Variants in SLC60A1 observed in about 807,000 individuals in gnomAD.
SLC60A1 encodes the protein major facilitator superfamily domain containing 4.
At chr1:205,577,349 G>A in the SLC60A1 span, among the ~76,000 whole-genome samples, 1 of 152,152 alleles carries the variant, frequency 6.6e-6, no homozygotes, top group African/African-American at 2.4e-5. This position sits in a 1 kb window ranked among gnomAD's most constrained non-coding sequence, Gnocchi z 5.2. Context: ...CAAGCACTGC[G>A]CCGGTCACTA....
the SLC60A1 span, chr1:205,580,765 C>T: frequency 6.2e-7 from 1 of 1,614,192 alleles, no homozygotes; most frequent in African/African-American, 1.3e-5. This position sits in a 1 kb window ranked among gnomAD's most constrained non-coding sequence, Gnocchi z 5.0. Context: ...CGGCCAACAC[C>T]ACCTCCCGAG....
the SLC60A1 span, among the ~76,000 whole-genome samples, chr1:205,570,169 G>T: frequency 2.0e-5 from 3 of 152,084 alleles, no homozygotes; most frequent in Non-Finnish European, 2.9e-5. Context: ...TTATTCTCTC[G>T]GCTTAAATTG....
chr1:205,572,625 C>T, the SLC60A1 span, among the ~76,000 whole-genome samples: 1 of 152,166 alleles, frequency 6.6e-6, no homozygotes, highest in Non-Finnish European at 1.5e-5. Flanking sequence ...GTCCCTGGAA[C>T]ACAGGACAAA....
At chr1:205,587,619 A>G in the SLC60A1 span, among the ~76,000 whole-genome samples, 1 of 152,144 alleles carries the variant, frequency 6.6e-6, no homozygotes, top group East Asian at 1.9e-4. Context: ...AGTAGAGGAT[A>G]AAGGGAGGAC....
the SLC60A1 span, among the ~76,000 whole-genome samples, chr1:205,590,448 C>T: frequency 2.6e-5 from 4 of 152,226 alleles, no homozygotes; most frequent in Admixed American, 1.3e-4. Flanking sequence ...TTCTCTCCTT[C>T]GGCCACTGTT....
the SLC60A1 span, among the ~76,000 whole-genome samples, chr1:205,596,406 C>G: frequency 0.018 from 2,671 of 151,962 alleles, 95 homozygotes; most frequent in African/African-American, 0.062. Context: ...TGGGAACCAG[C>G]TGGCCAACAT....
At chr1:205,584,264 C>G in the SLC60A1 span, 14 of 986,182 alleles carry the variant, frequency 1.4e-5, no homozygotes, top group African/African-American at 2.2e-4. Flanking sequence ...TCTCGTCGCC[C>G]AGGCTGGAGT....
At chr1:205,569,325 G>T in the SLC60A1 span, 2 of 1,430,464 alleles carry the variant, frequency 1.4e-6, no homozygotes, top group Admixed American at 2.4e-5. Flanking sequence ...GTGCGCCCCC[G>T]CCCCGCGGCC....
At chr1:205,570,425 G>GCAGGC in the SLC60A1 span, among the ~76,000 whole-genome samples, 1 of 151,302 alleles carries the variant, frequency 6.6e-6, no homozygotes, top group Non-Finnish European at 1.5e-5. Context: ...CTCTGGAGGG[G>GCAGGC]CCGTTCTGGG....
the SLC60A1 span, chr1:205,579,811 C>T: frequency 2.5e-5 from 41 of 1,614,058 alleles, 1 homozygote; most frequent in African/African-American, 1.7e-4. Flanking sequence ...TGGTGTTTGC[C>T]GTCATCCCCT....
At chr1:205,580,364 C>G in the SLC60A1 span, among the ~76,000 whole-genome samples, 1 of 152,154 alleles carries the variant, frequency 6.6e-6, no homozygotes, top group Admixed American at 6.5e-5. The surrounding 1 kb of genome is among the most constrained non-coding windows in gnomAD (Gnocchi z 5.0). Context: ...ACATGGTGAT[C>G]AGTCCCAGCT....
chr1:205,599,476 G>A, the SLC60A1 span, among the ~76,000 whole-genome samples: 1 of 152,200 alleles, frequency 6.6e-6, no homozygotes, highest in Non-Finnish European at 1.5e-5. Context: ...TGGGTCGGCT[G>A]ACTCATGGTT....
At chr1:205,583,081 A>G in the SLC60A1 span, among the ~76,000 whole-genome samples, 4 of 152,152 alleles carry the variant, frequency 2.6e-5, no homozygotes, top group African/African-American at 9.7e-5. Flanking sequence ...AACTGGGCTG[A>G]AGTTGCAGCA....
the SLC60A1 span, among the ~76,000 whole-genome samples, chr1:205,586,419 CCT>C: frequency 6.6e-6 from 1 of 152,142 alleles, no homozygotes; most frequent in Non-Finnish European, 1.5e-5. Context: ...AGTCCCTTCC[CCT>C]CTCTGGGCTG....
the SLC60A1 span, among the ~76,000 whole-genome samples, chr1:205,593,416 A>AGCCAAAATCCCGCCACT: frequency 5.4e-5 from 4 of 74,728 alleles, no homozygotes; most frequent in East Asian, 4.0e-4. Context: ...GCTTGCAGTG[A>AGCCAAAATCCCGCCACT]GCACTCCAGC....
the SLC60A1 span, among the ~76,000 whole-genome samples, chr1:205,587,781 G>A: frequency 3.3e-3 from 503 of 152,214 alleles, 1 homozygote; most frequent in African/African-American, 0.01. Flanking sequence ...GAGTTGGGGC[G>A]AAACGATGTC....
At chr1:205,586,076 C>G in the SLC60A1 span, 3 of 1,612,666 alleles carry the variant, frequency 1.9e-6, no homozygotes, top group Admixed American at 1.7e-5. Context: ...TGTGGAGAAG[C>G]CCCTGTCTGT....
chr1:205,599,159 T>G, the SLC60A1 span: 7 of 1,614,206 alleles, frequency 4.3e-6, no homozygotes, highest in South Asian at 7.7e-5. Context: ...AGCTATAGTT[T>G]CCTGGTCTGT....
At chr1:205,597,616 G>C in the SLC60A1 span, 1 of 634,564 alleles carries the variant, frequency 1.6e-6, no homozygotes, top group Non-Finnish European at 2.8e-6. Flanking sequence ...GACTGGTCTT[G>C]AACTCCTGGC....
Sources: allele counts gnomAD v4.1 joint callset (sites outside exome capture counted in the v4.1 genomes callset), GRCh38; gene constraint gnomAD v4.1.1; non-coding constraint Gnocchi (gnomAD v3.1); transcripts MANE v1.5; gene names NCBI Gene and HGNC (gene_info 2026-07-23, HGNC 2026-07-21).